FBLN5: variants seen among roughly 807,000 people sequenced by gnomAD.
FBLN5 encodes the protein fibulin-5.
In FBLN5, 24 loss-of-function variants were observed where a neutral mutation model predicts 61.6. The observed-to-expected ratio is 0.39, with a 90% CI of 0.28 to 0.55. The LOEUF is 0.55. FBLN5 is among the 20% of genes least tolerant of loss of function. The pLI is 0.65. For synonymous variants in FBLN5, 213 were observed against 219.8 expected, an observed-to-expected ratio of 0.97 and a Z score of 0.27; for missense variants, 470 against 594.1, an observed-to-expected ratio of 0.79 and a Z score of 2.17.
chr14:91,941,215 G>C (rs2056099654), intron 2 of FBLN5, among the ~76,000 whole-genome samples: 1 of 152,116 alleles, frequency 6.6e-6, no homozygotes, highest in Non-Finnish European at 1.5e-5. Flanking sequence ...TTTGATGTCT[G>C]TACATAAATA....
intron 4 of FBLN5, among the ~76,000 whole-genome samples, chr14:91,904,765 CCACCTTGTAATAACGT>C (rs949901322): frequency 6.6e-6 from 1 of 152,200 alleles, no homozygotes; most frequent in Non-Finnish European, 1.5e-5. Context: ...CCCAAAGGAC[CCACCTTGTAATAACGT>C]CACATTGTGG....
chr14:91,907,122 C>G (rs1361554727), intron 4 of FBLN5, among the ~76,000 whole-genome samples: 1 of 152,222 alleles, frequency 6.6e-6, no homozygotes, highest in Non-Finnish European at 1.5e-5. Context: ...TTAAGCCTCT[C>G]TCACAGTGAA....
intron 9 of FBLN5, among the ~76,000 whole-genome samples, chr14:91,880,526 C>CAT (rs1238845177): frequency 1.2e-4 from 18 of 147,456 alleles, no homozygotes; most frequent in African/African-American, 3.8e-4. Flanking sequence ...AGTGTGCGTG[C>CAT]GTGTGTGTGT....
chr14:91,874,102 A>G (rs35341842), intron 10 of FBLN5: 40,653 of 152,326 alleles, frequency 0.27, 5,544 homozygotes, highest in Middle Eastern at 0.4. Flanking sequence ...AAGTGTGTGC[A>G]TGTGTGCATG....
chr14:91,881,120 T>TACACAC lies in FBLN5; in HGVS notation c.989+166_989+171dup, dbSNP rs200128392. ...CTATCTATTCTACTCTGTTCTATTC[T>TACACAC]ACACACACACACACACACACACACA... On this transcript the variant is annotated intron_variant, in intron 9 of 10. Coordinates refer to ENST00000342058, the MANE Select transcript of FBLN5 (RefSeq NM_006329.4). 7.1e-3 allele frequency among the ~76,000 whole-genome samples: 437 copies of TACACAC among 61,542 alleles called. 3 individuals carry two copies. Among genetic ancestry groups the TACACAC allele is most frequent in the African/African-American group, 0.029 (403 of 14,060 alleles). 40.4% of individuals were successfully genotyped at this position (61,542 alleles called of 152,430 possible). A position where few individuals can be genotyped will look rare whatever the true frequency, so the allele number is the denominator to read the frequency against.
At chr14:91,922,876 T>C (rs1485407926) in intron 4 of FBLN5, among the ~76,000 whole-genome samples, 1 of 152,142 alleles carries the variant, frequency 6.6e-6, no homozygotes, top group South Asian at 2.1e-4. Flanking sequence ...ATGCCCCTTT[T>C]TCAGGGGTCT....
At chr14:91,912,649 A>G (rs1371470032) in intron 4 of FBLN5, among the ~76,000 whole-genome samples, 1 of 152,010 alleles carries the variant, frequency 6.6e-6, no homozygotes, top group Admixed American at 6.6e-5. Context: ...TATCTCAAAG[A>G]AAAGAAAAAA....
In FBLN5 at chr14:91,881,132, C is replaced by CACAT. The variant is rs1555374875; in HGVS notation, c.989+159_989+160insATGT. 1.9e-3 allele frequency among the ~76,000 whole-genome samples: 226 copies of CACAT among 118,100 alleles called. 2 individuals are homozygous for CACAT. The highest frequency in any genetic ancestry group is 0.015 in the South Asian group (54 of 3,630). The allele number at this position is 118,100 out of a possible 152,430, so 77.5% of individuals were successfully genotyped here. ...CTCTGTTCTATTCTACACACACACA[C>CACAT]ACACACACACACACACACACACGCA... On this transcript the variant is annotated intron_variant, in intron 9 of 10. Coordinates refer to ENST00000342058, the MANE Select transcript of FBLN5 (RefSeq NM_006329.4).
chr14:91,887,495 C>T lies in FBLN5; in HGVS notation c.620-183G>A, dbSNP rs572722587. On this transcript the variant is annotated intron_variant, in intron 6 of 10. Transcript: ENST00000342058. Reference sequence around the variant, plus strand: ...GATCCAAAAGTGTTCACTTAAGGACCGGGGCCTCCATCCACATGTCCCTTC... The same window carrying T: ...GATCCAAAAGTGTTCACTTAAGGACTGGGGCCTCCATCCACATGTCCCTTC... Among the ~76,000 whole-genome samples, 16 of 152,086 alleles carry T rather than the reference C, an allele frequency of 1.1e-4. No individual in the cohort carries two copies. In the South Asian group the frequency reaches 2.9e-3, roughly 28 times the overall value.
At chr14:91,926,913 T>C (rs2055839461) in intron 4 of FBLN5, among the ~76,000 whole-genome samples, 1 of 152,144 alleles carries the variant, frequency 6.6e-6, no homozygotes, top group Non-Finnish European at 1.5e-5. Context: ...TCCCATCTTG[T>C]AGCTGGGACA....
intron 9 of FBLN5, 66 bp from the exon 10 acceptor site, chr14:91,877,748 C>T: frequency 7.6e-7 from 1 of 1,323,872 alleles, no homozygotes; most frequent in Non-Finnish European, 1.1e-6. Context: ...TGCCTACTTC[C>T]TCTCTTAAAA....
At chr14:91,908,598 AAAAAAT>A (rs1243825074) in intron 4 of FBLN5, among the ~76,000 whole-genome samples, 1 of 152,232 alleles carries the variant, frequency 6.6e-6, no homozygotes. Flanking sequence ...TGCTGAACTA[AAAAAAT>A]GCTGCTGGGG....
chr14:91,929,562 T>A (rs945353838), intron 4 of FBLN5, among the ~76,000 whole-genome samples: 1 of 152,242 alleles, frequency 6.6e-6, no homozygotes, highest in Non-Finnish European at 1.5e-5. Context: ...TTCTTACTAA[T>A]GTCTCATCTC....
rs41458649 is a variant in FBLN5, at chr14:91,935,056, T to C, written c.379+1891A>G. 8.1e-3 allele frequency among the ~76,000 whole-genome samples: 1,234 copies of C among 152,298 alleles called. 5 individuals are homozygous for C. The highest frequency in any genetic ancestry group is 0.031 in the Middle Eastern group (9 of 294). On this transcript the variant is annotated intron_variant, in intron 4 of 10. Coordinates refer to ENST00000342058, the MANE Select transcript of FBLN5 (RefSeq NM_006329.4). Reference sequence around the variant, plus strand: ...CTTATGAATGCATAATGCTGAACTTTTTGGAAATGGATGGGCCTGGTGCCA... The same window carrying C: ...CTTATGAATGCATAATGCTGAACTTCTTGGAAATGGATGGGCCTGGTGCCA...
chr14:91,906,851 G>C (rs1230304514), intron 4 of FBLN5, among the ~76,000 whole-genome samples: 1 of 152,222 alleles, frequency 6.6e-6, no homozygotes, highest in Non-Finnish European at 1.5e-5. Context: ...TGCTATACCA[G>C]TGCGGCAACA....
chr14:91,919,370 A>T (rs2055687408), intron 4 of FBLN5, among the ~76,000 whole-genome samples: 1 of 123,266 alleles, frequency 8.1e-6, no homozygotes. Flanking sequence ...AGAAAAGAAA[A>T]GAAAAGAAAA....
At chr14:91,925,737 T>A (rs895718000) in intron 4 of FBLN5, among the ~76,000 whole-genome samples, 2 of 152,244 alleles carry the variant, frequency 1.3e-5, no homozygotes, top group Non-Finnish European at 2.9e-5. Flanking sequence ...TTCACAGGCA[T>A]CTTTTTCCAT....
At chr14:91,916,106 T>G (rs544801702) in intron 4 of FBLN5, among the ~76,000 whole-genome samples, 1 of 152,344 alleles carries the variant, frequency 6.6e-6, no homozygotes, top group East Asian at 1.9e-4. Context: ...TCTTTGCCTT[T>G]TATTTTTTGT....
intron 9 of FBLN5, among the ~76,000 whole-genome samples, 183 bp downstream of exon 9, chr14:91,881,109 C>G (rs1889423155): frequency 7.6e-6 from 1 of 130,852 alleles, no homozygotes; most frequent in Non-Finnish European, 1.6e-5. Context: ...CTATTCTACT[C>G]TGTTCTATTC....
Sources: allele counts gnomAD v4.1 joint callset (sites outside exome capture counted in the v4.1 genomes callset), GRCh38; gene constraint gnomAD v4.1.1; transcripts MANE v1.5; gene names NCBI Gene and HGNC (gene_info 2026-07-23, HGNC 2026-07-21).